The following GABBR2 variants were observed in gnomAD, a reference collection of about 807,000 sequenced individuals.
GABBR2 encodes gamma-aminobutyric acid type B receptor subunit 2, also known as G-protein coupled receptor 51.
A neutral mutation model predicts 105.6 loss-of-function variants in GABBR2; 23 were observed. That is an observed-to-expected ratio of 0.22 (90% CI 0.16 to 0.31). The LOEUF is 0.31. GABBR2 is among the 10% of genes least tolerant of loss of function. The pLI is 1.00. For synonymous variants in GABBR2, 478 were observed against 499.7 expected, an observed-to-expected ratio of 0.96 and a Z score of 0.58; for missense variants, 734 against 1,245.5, an observed-to-expected ratio of 0.59 and a Z score of 6.18.
chr9:98,317,392 G>A (rs1002166043), intron 13 of GABBR2, among the ~76,000 whole-genome samples: 1 of 152,218 alleles, frequency 6.6e-6, no homozygotes, highest in Non-Finnish European at 1.5e-5. Context: ...GTAGGTCAGT[G>A]CCCCCTGCAA....
intron 3 of GABBR2, among the ~76,000 whole-genome samples, chr9:98,541,166 T>C (rs1486114043): frequency 1.3e-5 from 2 of 152,314 alleles, no homozygotes; most frequent in Admixed American, 1.3e-4. Context: ...TCAAGACCTC[T>C]AAGATCTGTT....
rs1734137550 is a variant in GABBR2, at chr9:98,385,776, A to C, written c.1530-4T>G. ...TGGACTCGACATCTTTATGAGCCTG[A>C]CAAGAGAAAGAGACAATAGATTTAA... On this transcript the variant is annotated splice_region_variant and splice_polypyrimidine_tract_variant and intron_variant, in intron 10 of 18. Coordinates refer to ENST00000259455, the MANE Select transcript of GABBR2 (RefSeq NM_005458.8). The C allele has an allele frequency of 3.1e-6, 5 of 1,607,688 alleles. No individual in the cohort carries two copies. The highest frequency in any genetic ancestry group is 1.7e-5 in the Admixed American group (1 of 59,908).
At chr9:98,390,019 AGAACTCCCCT>A (rs1225418660) in intron 9 of GABBR2, among the ~76,000 whole-genome samples, 1 of 152,138 alleles carries the variant, frequency 6.6e-6, no homozygotes, top group African/African-American at 2.4e-5. Flanking sequence ...GCAGGGAGTG[AGAACTCCCCT>A]GAACATCTGG....
At chr9:98,394,707 T>C (rs1832255624) in intron 8 of GABBR2, among the ~76,000 whole-genome samples, 2 of 152,202 alleles carry the variant, frequency 1.3e-5, no homozygotes, top group South Asian at 2.1e-4. Flanking sequence ...CCCCAACTCC[T>C]CTTTACAGAA....
At chr9:98,363,104 A>AT (rs1831616004) in intron 12 of GABBR2, among the ~76,000 whole-genome samples, 1 of 152,044 alleles carries the variant, frequency 6.6e-6, no homozygotes, top group African/African-American at 2.4e-5. Flanking sequence ...CCGAGCTGTG[A>AT]TTTTCACCCT....
At chr9:98,513,546 A>C (rs1264513364) in intron 3 of GABBR2, among the ~76,000 whole-genome samples, 1 of 152,018 alleles carries the variant, frequency 6.6e-6, no homozygotes, top group Non-Finnish European at 1.5e-5. Context: ...CAATGAACTC[A>C]AACAATTTTA....
intron 1 of GABBR2, among the ~76,000 whole-genome samples, chr9:98,594,537 G>A (rs540878120): frequency 2.0e-5 from 3 of 152,326 alleles, no homozygotes; most frequent in South Asian, 4.1e-4. Flanking sequence ...GAGGGGTGGG[G>A]CCCAGGGAAG....
At position 98,627,291 on chromosome 9, in the gene GABBR2, G is replaced by A. The variant is rs546464735; in HGVS notation, c.322-49219C>T. Among the ~76,000 whole-genome samples the A allele has an allele frequency of 9.9e-5, 15 of 152,228 alleles. No individual in the cohort carries two copies. The South Asian group carries it at 1.7e-3, about 17-fold the overall frequency. On this transcript the variant is annotated intron_variant, in intron 1 of 18. Transcript: ENST00000259455. ...TGTGGCCCTCTCCATCATCTTCCTC[G>A]GAGGCCAAATTCCTCCTGAGAAAGG... is the stretch of plus-strand genomic sequence containing the variant.
intron 1 of GABBR2, among the ~76,000 whole-genome samples, chr9:98,620,618 A>G (rs1170458755): frequency 6.6e-6 from 1 of 152,148 alleles, no homozygotes; most frequent in Non-Finnish European, 1.5e-5. Context: ...ATAACTGGGT[A>G]GCAGAAGAGG....
chr9:98,584,078 G>A (rs1829037575), intron 1 of GABBR2, among the ~76,000 whole-genome samples: 1 of 152,168 alleles, frequency 6.6e-6, no homozygotes. Context: ...CACTCTAAGT[G>A]GGGGTCTGTG....
At chr9:98,314,400 T>A (rs1830682217) in intron 13 of GABBR2, among the ~76,000 whole-genome samples, 1 of 152,116 alleles carries the variant, frequency 6.6e-6, no homozygotes, top group African/African-American at 2.4e-5. Flanking sequence ...ATTCCAGTTA[T>A]GCATGAATGG....
Position 98,610,187 on chromosome 9 carries a change from T to G in GABBR2, c.322-32115A>C, listed in dbSNP as rs555226630. 2.0e-3 allele frequency among the ~76,000 whole-genome samples: 300 copies of G among 152,350 alleles called. 2 individuals carry two copies. Among genetic ancestry groups the G allele is most frequent in the African/African-American group, 7.1e-3 (296 of 41,602 alleles). On this transcript the variant is annotated intron_variant, in intron 1 of 18. Transcript: ENST00000259455. Reference sequence around the variant, plus strand: ...ACTGCTGCCTGGACTCAACTCCCAGTTGGTGGCTTCCTGGTGGCGTGACAG... The same window carrying G: ...ACTGCTGCCTGGACTCAACTCCCAGGTGGTGGCTTCCTGGTGGCGTGACAG...
intron 7 of GABBR2, among the ~76,000 whole-genome samples, chr9:98,438,089 C>T (rs74400721): frequency 1.3e-4 from 1 of 7,692 alleles, no homozygotes; most frequent in Non-Finnish European, 3.5e-4. Context: ...CACATCTATC[C>T]ATCCATCCAT....
intron 8 of GABBR2, among the ~76,000 whole-genome samples, chr9:98,396,790 C>A (rs554051566): frequency 6.6e-6 from 1 of 152,118 alleles, no homozygotes; most frequent in East Asian, 1.9e-4. Flanking sequence ...GGCACCCCAC[C>A]GCACCCCGGC....
chr9:98,296,029 C>T (rs926161131), intron 17 of GABBR2, among the ~76,000 whole-genome samples: 4 of 152,176 alleles, frequency 2.6e-5, no homozygotes, highest in African/African-American at 4.8e-5. Context: ...TCAGCAGAAT[C>T]GACTGTATAT....
At chr9:98,311,388 C>T (rs943886821) in intron 13 of GABBR2, among the ~76,000 whole-genome samples, 183 bp from the exon 14 acceptor site, 5 of 152,144 alleles carry the variant, frequency 3.3e-5, no homozygotes, top group Admixed American at 1.3e-4. Context: ...GCGTTGACTG[C>T]CTTCTGTTTG....
intron 1 of GABBR2, chr9:98,606,877 C>T (rs887603163): frequency 5.7e-5 from 32 of 558,202 alleles, no homozygotes; most frequent in Non-Finnish European, 7.5e-5. Context: ...CACAGCAGCA[C>T]CATGGGAGGT....
At chr9:98,309,002 T>G (rs576042323) in intron 14 of GABBR2, among the ~76,000 whole-genome samples, 1 of 152,298 alleles carries the variant, frequency 6.6e-6, no homozygotes, top group Non-Finnish European at 1.5e-5. Context: ...CCAAAACATC[T>G]GGCAGTGGGG....
At chr9:98,515,204 A>G (rs887616608) in intron 3 of GABBR2, among the ~76,000 whole-genome samples, 1 of 152,210 alleles carries the variant, frequency 6.6e-6, no homozygotes, top group African/African-American at 2.4e-5. Context: ...CTGCATCTCC[A>G]AGGAACGTCT....
Sources: gnomAD v4.1 joint callset for allele counts (sites outside exome capture counted in the v4.1 genomes callset) on GRCh38, gnomAD v4.1.1 for gene constraint, MANE v1.5 for transcripts, NCBI Gene and HGNC (gene_info 2026-07-23, HGNC 2026-07-21) for gene names.